STPG4: variants seen among roughly 807,000 people sequenced by gnomAD.
The protein encoded by STPG4 is protein STPG4.
In STPG4, 41 loss-of-function variants were observed where a neutral mutation model predicts 31.5. That is an observed-to-expected ratio of 1.30 (90% CI 1.01 to 1.69). The LOEUF (loss-of-function observed/expected upper bound fraction) is 1.69, where lower values mean the gene tolerates loss of function less well. Ranked by LOEUF, STPG4 falls within the 40% of genes most tolerant of loss-of-function variation. The pLI is 0.00. For synonymous variants in STPG4, 141 were observed against 103.0 expected (o/e 1.37, Z -2.24); for missense variants, 375 against 293.4 (o/e 1.28, Z -2.03).
intron 5 of STPG4, among the ~76,000 whole-genome samples, chr2:47,106,367 A>G (rs558332696): frequency 6.6e-6 from 1 of 152,088 alleles, no homozygotes; most frequent in South Asian, 2.1e-4. Context: ...CAAGTCCGTC[A>G]GCGCAGAGCC....
chr2:47,098,032 T>C (rs1160387163), intron 5 of STPG4, among the ~76,000 whole-genome samples: 1 of 152,106 alleles, frequency 6.6e-6, no homozygotes, highest in African/African-American at 2.4e-5. Flanking sequence ...TTTTCACGTG[T>C]GTATGAACAT....
At chr2:47,136,465 CT>C (rs1363833757) in intron 3 of STPG4, among the ~76,000 whole-genome samples, 1 of 152,120 alleles carries the variant, frequency 6.6e-6, no homozygotes, top group Non-Finnish European at 1.5e-5. Context: ...TCTTTGATTT[CT>C]TTCATCAGTT....
intron 5 of STPG4, among the ~76,000 whole-genome samples, chr2:47,096,393 C>G (rs1307408921): frequency 1.3e-5 from 2 of 152,164 alleles, no homozygotes; most frequent in African/African-American, 2.4e-5. Flanking sequence ...TGGGCAGGGC[C>G]TCGAGGACAA....
In STPG4 at chr2:47,151,304, TTGAA is replaced by T; in HGVS notation, c.349_352del (p.Phe117LysfsTer11). 6.2e-7 allele frequency: 1 copy of T among 1,614,230 alleles called. No individual in the cohort carries two copies. The highest frequency in any genetic ancestry group is 1.1e-5 in the South Asian group (1 of 91,084). ...GCTGGGGCTTGGCCGTGGTTTGTCT[TTGAA>T]TGAGTAAGTAGCCACTTGCTTCTTT... On this transcript the variant is annotated frameshift_variant, in exon 3 of 7. Transcript: ENST00000445927. LOFTEE classifies it high-confidence loss of function.
rs143143453 is a variant in STPG4, at chr2:47,142,052, T to C, written c.399+9206A>G. On this transcript the variant is annotated intron_variant, in intron 3 of 6. Transcript: ENST00000445927. ...ACCATCCTGTTGAAAATCCCTTCAG[T>C]AGTCATTTTACCATGGAGCATTCTG... Among the ~76,000 whole-genome samples, 686 of 151,216 alleles carry C rather than the reference T, an allele frequency of 4.5e-3. 6 individuals carry two copies. Among genetic ancestry groups the C allele is most frequent in the African/African-American group, 0.016 (658 of 41,090 alleles).
intron 3 of STPG4, among the ~76,000 whole-genome samples, chr2:47,144,816 C>T (rs936832882): frequency 9.2e-5 from 14 of 152,058 alleles, no homozygotes; most frequent in African/African-American, 1.9e-4. Context: ...CTGCAACCTC[C>T]GCCTCCCAGG....
At chr2:47,130,871 A>G (rs1686466698) in intron 3 of STPG4, among the ~76,000 whole-genome samples, 1 of 151,974 alleles carries the variant, frequency 6.6e-6, no homozygotes, top group Non-Finnish European at 1.5e-5. Context: ...GGAGAATGAT[A>G]TGGCATGAAC....
intron 5 of STPG4, among the ~76,000 whole-genome samples, chr2:47,092,846 G>A (rs1685598842): frequency 6.6e-6 from 1 of 151,662 alleles, no homozygotes; most frequent in Non-Finnish European, 1.5e-5. Context: ...AGGCTGGAGT[G>A]CAGTCACGCC....
At chr2:47,140,527 C>T (rs1485897094) in intron 3 of STPG4, among the ~76,000 whole-genome samples, 1 of 152,208 alleles carries the variant, frequency 6.6e-6, no homozygotes, top group Non-Finnish European at 1.5e-5. Context: ...GCCATGGTTC[C>T]TGCAGAAGTT....
At chr2:47,142,051 G>T (rs570872040) in intron 3 of STPG4, among the ~76,000 whole-genome samples, 80 of 150,906 alleles carry the variant, frequency 5.3e-4, no homozygotes, top group Admixed American at 9.3e-4. Context: ...AATCCCTTCA[G>T]TAGTCATTTT....
intron 5 of STPG4, among the ~76,000 whole-genome samples, chr2:47,107,044 G>A (rs1049760903): frequency 6.6e-6 from 1 of 151,964 alleles, no homozygotes; most frequent in Admixed American, 6.6e-5. Context: ...TAGCTAGAAC[G>A]GTCATTGGCC....
At chr2:47,103,262 G>A (rs557065230) in intron 5 of STPG4, among the ~76,000 whole-genome samples, 2 of 152,020 alleles carry the variant, frequency 1.3e-5, no homozygotes, top group East Asian at 3.9e-4. Flanking sequence ...AAATCCTTCT[G>A]CCTTCCTCGA....
At chr2:47,141,107 G>A (rs1403486114) in intron 3 of STPG4, among the ~76,000 whole-genome samples, 3 of 151,734 alleles carry the variant, frequency 2.0e-5, no homozygotes, top group Admixed American at 6.6e-5. Context: ...GGCTGGTCTC[G>A]AACTCCTAAC....
intron 5 of STPG4, among the ~76,000 whole-genome samples, chr2:47,102,241 T>C (rs1685816869): frequency 7.4e-6 from 1 of 135,890 alleles, no homozygotes; most frequent in Admixed American, 7.2e-5. Context: ...CATTGCAGGT[T>C]CTCGAGCAGG....
intron 1 of STPG4, among the ~76,000 whole-genome samples, chr2:47,153,959 T>C (rs1203717989): frequency 1.3e-5 from 2 of 152,232 alleles, no homozygotes; most frequent in African/African-American, 4.8e-5. Flanking sequence ...CATTCATCCA[T>C]TATTATTTCA....
At chr2:47,155,149 G>T (rs376392636) in intron 1 of STPG4, 22 bp downstream of exon 1, 8 of 1,611,118 alleles carry the variant, frequency 5.0e-6, no homozygotes, top group Middle Eastern at 1.6e-4. Context: ...GAGCCAGGCC[G>T]GCAAGGGGCA....
At chr2:47,112,759 T>A (rs1686068112) in intron 5 of STPG4, among the ~76,000 whole-genome samples, 1 of 152,090 alleles carries the variant, frequency 6.6e-6, no homozygotes, top group African/African-American at 2.4e-5. Context: ...GCAAAACACA[T>A]TTCAGAAGAA....
chr2:47,112,983 CT>C (rs1283407977), intron 5 of STPG4, among the ~76,000 whole-genome samples: 1 of 42,008 alleles, frequency 2.4e-5, no homozygotes, highest in African/African-American at 1.1e-4. Context: ...CAGAGCAAGA[CT>C]ATCTCAAAAA....
At chr2:47,113,098 G>C (rs1686075675) in intron 5 of STPG4, among the ~76,000 whole-genome samples, 1 of 151,570 alleles carries the variant, frequency 6.6e-6, no homozygotes, top group Non-Finnish European at 1.5e-5. Context: ...ATAAGGGAAA[G>C]ATACATAGAT....
Sources: allele counts gnomAD v4.1 joint callset (sites outside exome capture counted in the v4.1 genomes callset), GRCh38; gene constraint gnomAD v4.1.1; transcripts MANE v1.5; gene names NCBI Gene and HGNC (gene_info 2026-07-23, HGNC 2026-07-21).